NOL11: variants seen among roughly 807,000 people sequenced by gnomAD.
NOL11 encodes nucleolar protein 11.
Under a neutral mutation model 93.0 loss-of-function variants are expected in NOL11, and 42 were observed. The observed-to-expected ratio is 0.45, with a 90% CI of 0.35 to 0.58. The LOEUF (loss-of-function observed/expected upper bound fraction) is 0.58, where lower values mean the gene tolerates loss of function less well. NOL11 is among the 20% of genes least tolerant of loss of function. The pLI, the probability that NOL11 is intolerant of heterozygous loss-of-function variation, is 0.00. For missense variants in NOL11, 775 were observed against 841.8 expected, an observed-to-expected ratio of 0.92 and a Z score of 0.98; for synonymous variants, 296 against 293.7, an observed-to-expected ratio of 1.01 and a Z score of -0.08.
intron 16 of NOL11, among the ~76,000 whole-genome samples, chr17:67,741,141 C>T (rs2055253022): frequency 6.6e-6 from 1 of 152,160 alleles, no homozygotes; most frequent in South Asian, 2.1e-4. Context: ...ACGATCTCGG[C>T]TCACTGCAAC....
rs780086951 is a variant in NOL11, at chr17:67,726,472, G to T, written c.677G>T (p.Cys226Phe). The T allele has an allele frequency of 3.1e-6, 5 of 1,611,556 alleles. No homozygotes were observed. The highest frequency in any genetic ancestry group is 4.2e-6 in the Non-Finnish European group (5 of 1,179,150). ...ISLMSLSSDG[C>F]IYETLIPIRP... ...TTGTTTCCAACAGGCTCTGATGGTT[G>T]TATATATGAAACCTTGATACCAATA... The change falls in exon 7 of 18, where the codon TGT becomes TTT. Residue 226 changes from cysteine (C) to phenylalanine (F), a missense_variant. By Grantham distance (205) the Cys-to-Phe change is radical (BLOSUM62 -2). Around this residue, in one of 2 missense-constraint regions of NOL11, gnomAD observed 359 missense variants for 316.5 expected, o/e 1.13. Coordinates refer to ENST00000253247, the MANE Select transcript of NOL11 (RefSeq NM_015462.5).
intron 7 of NOL11, among the ~76,000 whole-genome samples, chr17:67,730,830 A>G (rs1335839994): frequency 1.3e-5 from 2 of 152,160 alleles, no homozygotes; most frequent in Non-Finnish European, 2.9e-5. Flanking sequence ...ATTGTGTTTA[A>G]CTTTTTGAAG....
intron 1 of NOL11, among the ~76,000 whole-genome samples, chr17:67,718,664 C>T (rs1393212143): frequency 6.6e-6 from 1 of 152,136 alleles, no homozygotes; most frequent in East Asian, 1.9e-4. Context: ...AGCCCTGCCC[C>T]CATTTCAGCC....
intron 4 of NOL11, 109 bp downstream of exon 4, chr17:67,721,635 T>A: frequency 1.2e-6 from 1 of 864,072 alleles, no homozygotes. Context: ...GTAACCTAAT[T>A]AAAAATCACT....
intron 14 of NOL11, 53 bp downstream of exon 14, chr17:67,738,408 A>G: frequency 1.7e-6 from 2 of 1,148,912 alleles, no homozygotes; most frequent in Non-Finnish European, 2.5e-6. Context: ...ATATAGTTAT[A>G]TGCCAAGCAG....
At chr17:67,728,969 T>C (rs1292918410) in intron 7 of NOL11, among the ~76,000 whole-genome samples, 3 of 152,198 alleles carry the variant, frequency 2.0e-5, no homozygotes, top group Non-Finnish European at 4.4e-5. Context: ...TTTTTAATTT[T>C]CATTTCTTTT....
intron 6 of NOL11, among the ~76,000 whole-genome samples, chr17:67,724,667 A>G (rs1456107291): frequency 6.6e-6 from 1 of 152,166 alleles, no homozygotes; most frequent in African/African-American, 2.4e-5. Flanking sequence ...ATGTCTGGCC[A>G]TGCATTAGAT....
chr17:67,722,507 A>C, intron 4 of NOL11, 73 bp from the exon 5 acceptor site: 1 of 1,507,254 alleles, frequency 6.6e-7, no homozygotes, highest in African/African-American at 1.4e-5. Context: ...ACTTTGATTA[A>C]ATTTTGATTG....
chr17:67,738,022 T>TA, intron 13 of NOL11, 50 bp downstream of exon 13: 3 of 1,566,858 alleles, frequency 1.9e-6, no homozygotes, highest in East Asian at 2.2e-5. Flanking sequence ...TATAATCTGT[T>TA]ACATTATTTG....
intron 3 of NOL11, 67 bp from the exon 4 acceptor site, chr17:67,721,311 C>G (rs1212842227): frequency 9.8e-7 from 1 of 1,022,718 alleles, no homozygotes; most frequent in Non-Finnish European, 1.4e-6. Flanking sequence ...GAAGCCTTCT[C>G]TAAATATCCT....
intron 8 of NOL11, 137 bp from the exon 9 acceptor site, chr17:67,735,763 T>A (rs1350180743): frequency 2.1e-6 from 1 of 484,604 alleles, no homozygotes; most frequent in African/African-American, 2.0e-5. Flanking sequence ...GCTCTGCATA[T>A]AAAATTCTTC....
At position 67,719,969 on chromosome 17, in the gene NOL11, C is replaced by A; in HGVS notation, c.312+7C>A. ...TAAAGTATTTAAAGCTACAGTAAGT[C>A]TTTGAATTTTCCAACATATTTGTTT... On this transcript the variant is annotated splice_region_variant and intron_variant, in intron 3 of 17. Transcript: ENST00000253247. 6.5e-7 allele frequency: 1 copy of A among 1,546,450 alleles called. No individual in the cohort carries two copies. The highest frequency in any genetic ancestry group is 1.2e-5 in the South Asian group (1 of 82,164).
At chr17:67,718,514 CTT>C (rs1049464448) in intron 1 of NOL11, among the ~76,000 whole-genome samples, 5 of 152,132 alleles carry the variant, frequency 3.3e-5, no homozygotes, top group African/African-American at 1.2e-4. Context: ...ACACCCCTCT[CTT>C]TGTAGGGGCG....
chr17:67,725,924 T>A (rs919006293), intron 6 of NOL11, among the ~76,000 whole-genome samples: 2 of 151,746 alleles, frequency 1.3e-5, no homozygotes, highest in South Asian at 2.1e-4. Flanking sequence ...TAAAAGAAAA[T>A]TTTTTTTAAT....
chr17:67,732,124 T>C (rs1438210244), intron 7 of NOL11, among the ~76,000 whole-genome samples: 1 of 152,230 alleles, frequency 6.6e-6, no homozygotes, highest in East Asian at 1.9e-4. Flanking sequence ...TTTATTTATG[T>C]CTTCCTTAAT....
chr17:67,720,031 A>G lies in NOL11; in HGVS notation c.312+69A>G, dbSNP rs909752839. On this transcript the variant is annotated intron_variant, in intron 3 of 17. Coordinates refer to ENST00000253247, the MANE Select transcript of NOL11 (RefSeq NM_015462.5). The stretch of plus-strand genomic sequence containing the variant: ...GAATTAGAATCATTCATAATAAAGT[A>G]TGTGTTATTTATTTTAATACCTCTG... 1.9e-5 allele frequency: 27 copies of G among 1,393,070 alleles called. No homozygotes were observed. In the South Asian group the frequency reaches 3.6e-4, roughly 18 times the overall value. 86.3% of individuals were successfully genotyped at this position (1,393,070 alleles called of 1,614,324 possible).
Position 67,737,573 on chromosome 17 carries a change from C to T in NOL11, c.1284C>T (p.Asp428=), listed in dbSNP as rs747610475. The change falls in exon 12 of 18, where the codon GAC becomes GAT. Residue 428 remains aspartate, a synonymous_variant. Coordinates refer to ENST00000253247, the MANE Select transcript of NOL11 (RefSeq NM_015462.5). ...RKFLALKQTP[D]FHTVIGDTVT... is the part of the protein sequence containing the mutation. ...TTTTGGCTCTGAAGCAGACACCTGACTTTCATACTGTCATTGGGGACACAG... is the reference window on the plus strand; with the variant it reads ...TTTTGGCTCTGAAGCAGACACCTGATTTTCATACTGTCATTGGGGACACAG... 5.0e-6 allele frequency: 8 copies of T among 1,613,530 alleles called. No homozygotes were observed. Among genetic ancestry groups the T allele is most frequent in the Non-Finnish European group, 6.8e-6 (8 of 1,179,834 alleles).
intron 14 of NOL11, 80 bp downstream of exon 14, chr17:67,738,435 C>A: frequency 1.2e-6 from 1 of 868,902 alleles, no homozygotes; most frequent in South Asian, 1.7e-5. Context: ...AGGAGTAACT[C>A]AATAATTTAA....
rs569306959 is a variant in NOL11 at position 67,721,493 on chromosome 17, T to C, written c.428T>C (p.Ile143Thr). Reference protein sequence around the residue: ...EALLADPQQKIETVISDEEVI... With the variant: ...EALLADPQQKTETVISDEEVI... ...TTGCTTGCAGACCCCCAGCAGAAAA[T>C]TGAAACTGTTATCTCTGATGAAGAA... The change falls in exon 4 of 18, where the codon ATT becomes ACT. Residue 143 changes from isoleucine (I) to threonine (T), a missense_variant. This residue lies in a region of NOL11 where 359 missense variants were observed against 316.5 expected (regional missense o/e 1.13). Coordinates refer to ENST00000253247, the MANE Select transcript of NOL11 (RefSeq NM_015462.5). 1.9e-6 allele frequency: 3 copies of C among 1,613,934 alleles called. No individual in the cohort carries two copies. The highest frequency in any genetic ancestry group is 1.7e-5 in the Admixed American group (1 of 59,974).
Sources: allele counts gnomAD v4.1 joint callset (sites outside exome capture counted in the v4.1 genomes callset), GRCh38; gene constraint gnomAD v4.1.1; regional missense constraint gnomAD v4.1.1; transcripts MANE v1.5; gene names NCBI Gene and HGNC (gene_info 2026-07-23, HGNC 2026-07-21).